The following ATM variants were observed in gnomAD, a reference collection of about 807,000 sequenced individuals.
ATM encodes the protein serine-protein kinase ATM.
In ATM, 308 loss-of-function variants were observed where a neutral mutation model predicts 387.0. The observed-to-expected ratio is 0.80, with a 90% CI of 0.73 to 0.87. The LOEUF is 0.87. ATM is among the 40% of genes least tolerant of loss of function. The pLI, the probability that ATM is intolerant of heterozygous loss-of-function variation, is 0.00. For missense variants in ATM, 3,312 were observed against 3,560.9 expected (o/e 0.93, Z 1.78); for synonymous variants, 1,156 against 1,187.3 (o/e 0.97, Z 0.54).
chr11:108,368,165 T>G lies in ATM; in HGVS notation c.*2657T>G. On this transcript the variant is annotated 3_prime_UTR_variant, in exon 63 of 63. Coordinates refer to ENST00000675843, the MANE Select transcript of ATM (RefSeq NM_000051.4). ...CAAATTTACATACAGATCACAAGCC[T>G]AGGAGAAATAACTAATTCACAGATG... 4.9e-6 allele frequency: 1 copy of G among 205,340 alleles called. No homozygotes were observed. Among genetic ancestry groups the G allele is most frequent in the East Asian group, 7.5e-5 (1 of 13,336 alleles). 12.7% of individuals were successfully genotyped at this position (205,340 alleles called of 1,614,324 possible).
intron 45 of ATM, 102 bp from the exon 46 acceptor site, chr11:108,325,208 T>C: frequency 1.2e-6 from 1 of 803,512 alleles, no homozygotes; most frequent in Non-Finnish European, 2.0e-6. Context: ...AGTTCCTTTG[T>C]ATTATTATAA....
Position 108,268,514 on chromosome 11 carries a change from A to G in ATM, c.2743A>G (p.Thr915Ala), listed in dbSNP as rs786203106. The G allele has an allele frequency of 6.2e-7, 1 of 1,614,074 alleles. No individual in the cohort carries two copies. The highest frequency in any genetic ancestry group is 1.1e-5 in the South Asian group (1 of 91,078). The change falls in exon 18 of 63, where the codon ACT becomes GCT. Residue 915 changes from threonine to alanine, a missense_variant. Thr to Ala is a moderately conservative substitution (Grantham distance 58). Transcript: ENST00000675843. ...CLCVTTAQTN[T>A]VSFRAADIRR... ...GTGTGTAACTACTGCTCAGACCAAT[A>G]CTGTGTCCTTTAGGGCAGCTGATAT... is the stretch of plus-strand genomic sequence containing the variant.
In ATM at chr11:108,284,398, T is replaced by C. The variant is rs139632347; in HGVS notation, c.3918T>C (p.Ser1306=). The change falls in exon 26 of 63, where the codon AGT becomes AGC. Residue 1306 remains serine (S), a synonymous_variant. Transcript: ENST00000675843. ...TTGCCTATGAGGGTACCAGAGACAG[T>C]GGGATGGCACAGCAAAGAGAGACTG... is the stretch of plus-strand genomic sequence containing the variant. ...PYFAYEGTRD[S]GMAQQRETAT... is the part of the protein sequence containing the mutation. 5.0e-6 allele frequency: 8 copies of C among 1,613,820 alleles called. No individual in the cohort carries two copies. Among genetic ancestry groups the C allele is most frequent in the Non-Finnish European group, 6.8e-6 (8 of 1,179,924 alleles).
intron 1 of ATM, chr11:108,225,630 C>T (rs2078700736): frequency 2.0e-5 from 3 of 152,160 alleles, no homozygotes; most frequent in African/African-American, 7.2e-5. Context: ...CATGCTACCA[C>T]ACCTGGTTAA....
At chr11:108,316,368 A>G (rs2084651261) in intron 42 of ATM, among the ~76,000 whole-genome samples, 3 of 149,626 alleles carry the variant, frequency 2.0e-5, no homozygotes, top group Admixed American at 6.6e-5. Flanking sequence ...TTTCTTGATC[A>G]TAGTGTTGTT....
At chr11:108,364,929 C>G (rs928293023) in intron 61 of ATM, among the ~76,000 whole-genome samples, 153 bp from the exon 62 acceptor site, 1 of 152,204 alleles carries the variant, frequency 6.6e-6, no homozygotes, top group Non-Finnish European at 1.5e-5. Flanking sequence ...AGGATAGTTT[C>G]CTCAAGGAAA....
At chr11:108,340,143 C>CT (rs377163974) in intron 56 of ATM, 110 of 150,294 alleles carry the variant, frequency 7.3e-4, no homozygotes, top group African/African-American at 2.5e-3. Context: ...AGACTGAAAC[C>CT]TAGAGGCTTT....
At chr11:108,265,392 C>G (rs374747975) in intron 16 of ATM, among the ~76,000 whole-genome samples, 3 of 152,152 alleles carry the variant, frequency 2.0e-5, no homozygotes, top group Non-Finnish European at 4.4e-5. Flanking sequence ...AAAGGATTCC[C>G]TATTTAATAA....
At chr11:108,275,921 T>C (rs1196236925) in intron 22 of ATM, among the ~76,000 whole-genome samples, 1 of 152,204 alleles carries the variant, frequency 6.6e-6, no homozygotes, top group African/African-American at 2.4e-5. Flanking sequence ...TCTCGCTAGA[T>C]TGGGGAAGTT....
chr11:108,357,558 G>C (rs1339800725), intron 61 of ATM, among the ~76,000 whole-genome samples: 2 of 152,220 alleles, frequency 1.3e-5, no homozygotes, highest in Admixed American at 1.3e-4. Flanking sequence ...TGACAGCTTT[G>C]AAGAGAGTAG....
chr11:108,248,875 C>T (rs950004679), intron 8 of ATM, 58 bp from the exon 9 acceptor site: 49 of 1,443,784 alleles, frequency 3.4e-5, no homozygotes, highest in Non-Finnish European at 4.4e-5. Flanking sequence ...GCAACAACAG[C>T]GAAACTCTGG....
At chr11:108,355,135 C>A (rs372471808) in intron 61 of ATM, 9 of 477,948 alleles carry the variant, frequency 1.9e-5, no homozygotes, top group African/African-American at 1.2e-4. Context: ...TAAATCAATT[C>A]TTTGACATTT....
chr11:108,288,548 A>G (rs2082618676), intron 27 of ATM, among the ~76,000 whole-genome samples: 1 of 151,058 alleles, frequency 6.6e-6, no homozygotes, highest in South Asian at 2.1e-4. Flanking sequence ...GGGCATATAA[A>G]ATAGTAATAA....
rs1025083720 is a variant in ATM, at chr11:108,302,888, T to G, written c.5355T>G (p.Pro1785=). The G allele has an allele frequency of 1.2e-6, 2 of 1,613,072 alleles. No homozygotes were observed. The highest frequency in any genetic ancestry group is 2.7e-5 in the African/African-American group (2 of 74,910). ...TACCCAGATTTGACAAAGAAAACCC[T>G]TTTGAAGGCCTGGATGATATAAATC... The part of the protein sequence containing the change: ...LEVPRFDKEN[P]FEGLDDINLW... Residue 1785 remains proline, a synonymous_variant, in exon 36 of 63, where the codon CCT becomes CCG. Coordinates refer to ENST00000675843, the MANE Select transcript of ATM (RefSeq NM_000051.4).
At chr11:108,259,121 CA>C (rs777072719) in intron 16 of ATM, 46 bp downstream of exon 16, 1 of 1,469,664 alleles carries the variant, frequency 6.8e-7, no homozygotes, top group South Asian at 1.1e-5. Context: ...TTCTAATAGG[CA>C]TAATTTTTTT....
intron 40 of ATM, among the ~76,000 whole-genome samples, chr11:108,315,458 A>C (rs1227038737): frequency 2.6e-5 from 4 of 152,230 alleles, no homozygotes. Flanking sequence ...AAATGTATAC[A>C]AATGATGGAA....
intron 6 of ATM, 117 bp from the exon 7 acceptor site, chr11:108,244,671 C>T (rs2135234377): frequency 6.0e-6 from 5 of 833,216 alleles, no homozygotes; most frequent in Non-Finnish European, 1.0e-5. Context: ...ATTAAGACTA[C>T]TGTTTGAAAA....
intron 61 of ATM, among the ~76,000 whole-genome samples, chr11:108,360,069 A>AG (rs1491221414): frequency 6.8e-6 from 1 of 145,992 alleles, no homozygotes; most frequent in Non-Finnish European, 1.6e-5. Context: ...TAAAGAAAAA[A>AG]GAGAGAAGAA....
intron 32 of ATM, 172 bp downstream of exon 32, chr11:108,295,231 C>G: frequency 1.3e-6 from 1 of 762,880 alleles, no homozygotes; most frequent in Non-Finnish European, 2.2e-6. Flanking sequence ...GTCTTCTCAC[C>G]CTGAACTCTT....
Sources: allele counts gnomAD v4.1 joint callset (sites outside exome capture counted in the v4.1 genomes callset), GRCh38; gene constraint gnomAD v4.1.1; transcripts MANE v1.5; gene names NCBI Gene and HGNC (gene_info 2026-07-23, HGNC 2026-07-21).